MBNL1: variants seen among roughly 807,000 people sequenced by gnomAD.
The protein encoded by MBNL1 is muscleblind-like protein 1.
A neutral mutation model predicts 42.2 loss-of-function variants in MBNL1; 8 were observed. The ratio of observed to expected loss-of-function variants is 0.19; its 90% CI spans 0.11 to 0.34. The LOEUF is 0.34. MBNL1 is among the 10% of genes least tolerant of loss of function. MBNL1 has a pLI of 1.00. For missense variants in MBNL1, 309 were observed against 495.3 expected (o/e 0.62, Z 3.57); for synonymous variants, 169 against 173.9 (o/e 0.97, Z 0.22).
At chr3:152,448,809 A>G (rs554609135) in intron 6 of MBNL1, among the ~76,000 whole-genome samples, 1 of 152,288 alleles carries the variant, frequency 6.6e-6, no homozygotes, top group Admixed American at 6.5e-5. Flanking sequence ...TAAGTTTTAT[A>G]CAGTACATAT....
At chr3:152,271,901 G>A (rs908136981) in intron 1 of MBNL1, among the ~76,000 whole-genome samples, 8 of 151,868 alleles carry the variant, frequency 5.3e-5, no homozygotes, top group African/African-American at 1.9e-4. Context: ...AAATACTACC[G>A]GTTTTGAAAA....
chr3:152,365,264 T>A (rs1430497433), intron 2 of MBNL1, among the ~76,000 whole-genome samples: 1 of 148,872 alleles, frequency 6.7e-6, no homozygotes, highest in East Asian at 1.9e-4. Flanking sequence ...AACAATTTTC[T>A]GATTTTTTTT....
At position 152,338,846 on chromosome 3, in the gene MBNL1, G is replaced by A. The variant is rs550378094; in HGVS notation, c.174+38479G>A. Among the ~76,000 whole-genome samples the A allele has an allele frequency of 1.0e-3, 156 of 152,240 alleles. 2 individuals are homozygous for A. Among genetic ancestry groups the A allele is most frequent in the Middle Eastern group, 6.8e-3 (2 of 294 alleles). Reference sequence around the variant, plus strand: ...TATTAAAAACTCTTATAGGAATTTTGTGTGAGATTCACATTAGTTTTATTT... The same window carrying A: ...TATTAAAAACTCTTATAGGAATTTTATGTGAGATTCACATTAGTTTTATTT... On this transcript the variant is annotated intron_variant, in intron 2 of 9. Coordinates refer to ENST00000324210, the MANE Select transcript of MBNL1 (RefSeq NM_021038.5).
chr3:152,269,904 G>GCCCCCCC lies in MBNL1; in HGVS notation c.-790+814_-790+815insCCCCCCC, dbSNP rs141400947. ...TAGACAAAAGCAGGACAAATATGTA[G>GCCCCCCC]CCACCCCCCAACTTTTTTTTTTTTT... On this transcript the variant is annotated intron_variant, in intron 1 of 9. Coordinates refer to ENST00000324210, the MANE Select transcript of MBNL1 (RefSeq NM_021038.5). 10 of 118,564 alleles carry GCCCCCCC rather than the reference G, an allele frequency of 8.4e-5. 1 individual carries two copies. Among genetic ancestry groups the GCCCCCCC allele is most frequent in the African/African-American group, 1.9e-4 (6 of 31,218 alleles). 7.3% of individuals were successfully genotyped at this position (118,564 alleles called of 1,614,324 possible).
In MBNL1 at chr3:152,340,331, T is replaced by C. The variant is rs2092810578; in HGVS notation, c.174+39964T>C. 8.1e-6 allele frequency: 5 copies of C among 618,994 alleles called. No individual in the cohort carries two copies. The South Asian group carries it at 9.6e-5, about 12-fold the overall frequency. The allele number at this position is 618,994 out of a possible 1,614,324, so 38.3% of individuals were successfully genotyped here. ...TCTCAAAAAGAAAAAGGGGAGATAATATCAACATGCAAAAACTGAACAATA... is the reference window on the plus strand; with the variant it reads ...TCTCAAAAAGAAAAAGGGGAGATAACATCAACATGCAAAAACTGAACAATA... On this transcript the variant is annotated intron_variant, in intron 2 of 9. Coordinates refer to ENST00000324210, the MANE Select transcript of MBNL1 (RefSeq NM_021038.5).
Position 152,437,766 on chromosome 3 carries a change from C to G in MBNL1, c.549+4846C>G, listed in dbSNP as rs1050107466. Among the ~76,000 whole-genome samples the G allele has an allele frequency of 2.3e-5, 3 of 128,576 alleles. No homozygotes were observed. In the Admixed American group the frequency reaches 2.8e-4, roughly 12 times the overall value. The allele number at this position is 128,576 out of a possible 152,430, so 84.4% of individuals were successfully genotyped here. ...TTGTTGCCAAGTACTTTCTGTACTCCAAAATTCATACTTTTTTTTTTTTTT... is the reference window on the plus strand; with the variant it reads ...TTGTTGCCAAGTACTTTCTGTACTCGAAAATTCATACTTTTTTTTTTTTTT... On this transcript the variant is annotated intron_variant, in intron 4 of 9. Coordinates refer to ENST00000324210, the MANE Select transcript of MBNL1 (RefSeq NM_021038.5).
At chr3:152,394,197 T>C (rs2097838914) in intron 2 of MBNL1, among the ~76,000 whole-genome samples, 1 of 152,214 alleles carries the variant, frequency 6.6e-6, no homozygotes. Context: ...TAACATTGTT[T>C]ATAATTTGCA....
chr3:152,407,874 T>C (rs2098470913), intron 2 of MBNL1, among the ~76,000 whole-genome samples: 1 of 152,060 alleles, frequency 6.6e-6, no homozygotes, highest in Admixed American at 6.6e-5. Flanking sequence ...CAAACTAATG[T>C]AGAAACAGAA....
intron 2 of MBNL1, among the ~76,000 whole-genome samples, chr3:152,256,383 T>C (rs776371627): frequency 6.6e-6 from 1 of 152,162 alleles, no homozygotes; most frequent in Non-Finnish European, 1.5e-5. Context: ...AGTTTCTGCA[T>C]GGATGAAGCA....
intron 1 of MBNL1, among the ~76,000 whole-genome samples, chr3:152,285,481 G>T (rs1387363217): frequency 6.6e-6 from 1 of 152,102 alleles, no homozygotes; most frequent in Admixed American, 6.5e-5. Flanking sequence ...TCTTAGAGTT[G>T]TGAGGAACAA....
chr3:152,269,273 CG>C (rs2038633325), intron 1 of MBNL1, 181 bp downstream of exon 1: 1 of 353,536 alleles, frequency 2.8e-6, no homozygotes, highest in Non-Finnish European at 5.6e-6. Context: ...CGGGGGAAGG[CG>C]GGAGGGTGAG....
chr3:152,305,609 A>G, intron 2 of MBNL1, among the ~76,000 whole-genome samples: 1 of 152,152 alleles, frequency 6.6e-6, no homozygotes, highest in Non-Finnish European at 1.5e-5. Context: ...GTAACTAGAT[A>G]GATAGATAGA....
At chr3:152,321,665 G>A (rs2076557488) in intron 2 of MBNL1, among the ~76,000 whole-genome samples, 1 of 152,004 alleles carries the variant, frequency 6.6e-6, no homozygotes, top group Non-Finnish European at 1.5e-5. Flanking sequence ...AATCTTGCAA[G>A]TTGGGAAATT....
intron 2 of MBNL1, among the ~76,000 whole-genome samples, chr3:152,361,946 A>T (rs2095992022): frequency 6.6e-6 from 1 of 152,174 alleles, no homozygotes; most frequent in African/African-American, 2.4e-5. Flanking sequence ...AATTTTAAAA[A>T]TGTGTTGCTC....
chr3:152,245,978 T>C (rs2032888280), intron 2 of MBNL1, among the ~76,000 whole-genome samples: 1 of 152,100 alleles, frequency 6.6e-6, no homozygotes, highest in African/African-American at 2.4e-5. Context: ...CCAGCTACTT[T>C]GGAGGCTGAG....
At chr3:152,283,545 A>G (rs1179059413) in intron 1 of MBNL1, among the ~76,000 whole-genome samples, 2 of 152,218 alleles carry the variant, frequency 1.3e-5, no homozygotes, top group Admixed American at 1.3e-4. Flanking sequence ...ATTTCTTCAG[A>G]TCCCATACAC....
intron 1 of MBNL1, among the ~76,000 whole-genome samples, chr3:152,272,110 C>A (rs1179468214): frequency 6.7e-6 from 1 of 149,772 alleles, no homozygotes; most frequent in Non-Finnish European, 1.5e-5. Flanking sequence ...TGGCTAACAT[C>A]GTATTTATTT....
intron 2 of MBNL1, among the ~76,000 whole-genome samples, chr3:152,345,449 G>A (rs539721635): frequency 6.6e-6 from 1 of 152,226 alleles, no homozygotes; most frequent in African/African-American, 2.4e-5. Context: ...AATAAAGTGA[G>A]TAGTGTTTGG....
intron 2 of MBNL1, among the ~76,000 whole-genome samples, chr3:152,382,832 A>G (rs1278540439): frequency 6.6e-6 from 1 of 151,930 alleles, no homozygotes; most frequent in Admixed American, 6.6e-5. Flanking sequence ...TTCGTTTTAT[A>G]TTTTGCTTTA....
Sources: gnomAD v4.1 joint callset for allele counts (sites outside exome capture counted in the v4.1 genomes callset) on GRCh38, gnomAD v4.1.1 for gene constraint, MANE v1.5 for transcripts, NCBI Gene and HGNC (gene_info 2026-07-23, HGNC 2026-07-21) for gene names.